Variants in PTK7 observed in about 807,000 individuals in gnomAD.
PTK7 encodes the protein protein tyrosine kinase 7 (inactive), also known as inactive tyrosine-protein kinase 7.
In PTK7, 39 loss-of-function variants were observed where a neutral mutation model predicts 116.6. The observed-to-expected ratio is 0.33, with a 90% CI of 0.26 to 0.44. The LOEUF (loss-of-function observed/expected upper bound fraction) is 0.44, where lower values mean the gene tolerates loss of function less well. Among genes scored for constraint, PTK7 ranks in the 20% least tolerant of loss-of-function variants. PTK7 has a pLI of 1.00. For missense variants in PTK7, 1,169 were observed against 1,425.6 expected (o/e 0.82, Z 2.90); for synonymous variants, 546 against 563.6 (o/e 0.97, Z 0.44).
chr6:43,127,994 A>G (rs924932823), intron 1 of PTK7, among the ~76,000 whole-genome samples: 1 of 151,832 alleles, frequency 6.6e-6, no homozygotes, highest in Non-Finnish European at 1.5e-5. Flanking sequence ...CCAGGTTTCT[A>G]GAGAATCTTG....
rs1394226226 is a variant in PTK7, at chr6:43,076,390, G to A, written c.-99G>A. On this transcript the variant is annotated 5_prime_UTR_variant, in exon 1 of 20. Transcript: ENST00000230419. This position sits in a 1 kb window ranked among gnomAD's most constrained non-coding sequence, Gnocchi z 5.7. The stretch of plus-strand genomic sequence containing the variant: ...GGCTCCGGCTGCGGCTGCTGCTGCG[G>A]CGCCCGCGCTCCGGTGCGCTCCGCC... 17 of 953,302 alleles carry A rather than the reference G, an allele frequency of 1.8e-5. No homozygotes were observed. The East Asian group carries it at 5.8e-4, about 33-fold the overall frequency. The allele number at this position is 953,302 out of a possible 1,614,324, so 59.1% of individuals were successfully genotyped here.
chr6:43,135,760 C>T (rs561672654), intron 7 of PTK7, among the ~76,000 whole-genome samples: 2 of 152,222 alleles, frequency 1.3e-5, no homozygotes, highest in South Asian at 4.1e-4. Context: ...TTGGCTTCGG[C>T]ATCAGTTATC....
chr6:43,084,096 A>G (rs1401507890), intron 1 of PTK7, among the ~76,000 whole-genome samples: 1 of 152,178 alleles, frequency 6.6e-6, no homozygotes, highest in Non-Finnish European at 1.5e-5. Flanking sequence ...ATCCAGTTAC[A>G]TAGGCCAGAT....
At chr6:43,084,492 A>G (rs1259958824) in intron 1 of PTK7, among the ~76,000 whole-genome samples, 3 of 152,208 alleles carry the variant, frequency 2.0e-5, no homozygotes, top group African/African-American at 4.8e-5. Context: ...CCTACGCTTA[A>G]GTGTGAGAAC....
rs1441205002 is a variant in PTK7 at position 43,129,632 on chromosome 6, C to T, written c.368-95C>T. On this transcript the variant is annotated intron_variant, in intron 2 of 19. Coordinates refer to ENST00000230419, the MANE Select transcript of PTK7 (RefSeq NM_002821.5). This position sits in a 1 kb window ranked among gnomAD's most constrained non-coding sequence, Gnocchi z 4.5. ...CCTTGTGTCTGTTGGCACAGAGCCT[C>T]GAGGTTCCACGGCTTCCTGCTTGTC... 27 of 1,103,768 alleles carry T rather than the reference C, an allele frequency of 2.4e-5. No individual in the cohort carries two copies. Among genetic ancestry groups the T allele is most frequent in the East Asian group, 4.8e-5 (2 of 41,902 alleles). 68.4% of individuals were successfully genotyped at this position (1,103,768 alleles called of 1,614,324 possible). A position where few individuals can be genotyped will look rare whatever the true frequency, so the allele number is the denominator to read the frequency against.
chr6:43,139,091 G>GGGT lies in PTK7; in HGVS notation c.1363-44_1363-43insGTG, dbSNP rs1770224710. 1 of 1,612,358 alleles carries GGGT rather than the reference G, an allele frequency of 6.2e-7. No individual in the cohort carries two copies. Among genetic ancestry groups the GGGT allele is most frequent in the African/African-American group, 1.3e-5 (1 of 74,914 alleles). On this transcript the variant is annotated intron_variant, in intron 8 of 19. Transcript: ENST00000230419. The surrounding 1 kb of genome is among the most constrained non-coding windows in gnomAD (Gnocchi z 4.6). ...ACCCTGGAGGCAGCCTCCAGGGAGA[G>GGGT]GTGGGTGTGGGTTCAGGCTCTGAGG...
At position 43,141,035 on chromosome 6, in the gene PTK7, C is replaced by T. The variant is rs1372739661; in HGVS notation, c.1619-633C>T. Among the ~76,000 whole-genome samples, 1 of 151,934 alleles carries T rather than the reference C, an allele frequency of 6.6e-6. No homozygotes were observed. Among genetic ancestry groups the T allele is most frequent in the African/African-American group, 2.4e-5 (1 of 41,334 alleles). ...ATTTGGGTTGTTAACCAGCCACCCACCCACCCCCTTTTTTTTCATTGCTGC... is the reference window on the plus strand; with the variant it reads ...ATTTGGGTTGTTAACCAGCCACCCATCCACCCCCTTTTTTTTCATTGCTGC... On this transcript the variant is annotated intron_variant, in intron 10 of 19. Coordinates refer to ENST00000230419, the MANE Select transcript of PTK7 (RefSeq NM_002821.5). The surrounding 1 kb of genome is among the most constrained non-coding windows in gnomAD (Gnocchi z 4.9).
chr6:43,098,089 G>A (rs918403743), intron 1 of PTK7, among the ~76,000 whole-genome samples: 3 of 152,132 alleles, frequency 2.0e-5, no homozygotes, highest in Non-Finnish European at 2.9e-5. Context: ...GAGGGGGTGA[G>A]GGTCTAGTGA....
At chr6:43,149,075 A>G (rs1176239148) in intron 17 of PTK7, among the ~76,000 whole-genome samples, 28 of 143,566 alleles carry the variant, frequency 2.0e-4, no homozygotes, top group South Asian at 1.8e-3. Context: ...AAAAAAAAAA[A>G]AAAAAAGAAA....
At chr6:43,101,146 C>T (rs1350975897) in intron 1 of PTK7, among the ~76,000 whole-genome samples, 1 of 150,756 alleles carries the variant, frequency 6.6e-6, no homozygotes, top group East Asian at 1.9e-4. Flanking sequence ...ACCCGGGAGG[C>T]GGAGGTTGCT....
At chr6:43,092,028 A>G (rs1042577229) in intron 1 of PTK7, among the ~76,000 whole-genome samples, 2 of 151,854 alleles carry the variant, frequency 1.3e-5, no homozygotes, top group African/African-American at 4.8e-5. Context: ...ACGCCCAGCT[A>G]ATTTTTGTAT....
intron 7 of PTK7, chr6:43,133,083 T>C (rs534335809): frequency 5.0e-6 from 2 of 403,034 alleles, no homozygotes; most frequent in East Asian, 3.6e-5. Flanking sequence ...CACAAGGTGG[T>C]TGGAAAGGTC....
chr6:43,077,034 G>T (rs1271070056), intron 1 of PTK7: 12 of 1,344,694 alleles, frequency 8.9e-6, no homozygotes, highest in Admixed American at 3.3e-5. Context: ...CCTGCGGCGC[G>T]CAAAGCGCGG....
intron 4 of PTK7, 44 bp from the exon 5 acceptor site, chr6:43,130,467 C>T (rs758047364): frequency 6.2e-7 from 1 of 1,609,272 alleles, no homozygotes; most frequent in East Asian, 2.2e-5. Flanking sequence ...CACAGGAGGG[C>T]CTCACCACCC....
chr6:43,125,449 A>ACG (rs1769233016), intron 1 of PTK7, among the ~76,000 whole-genome samples: 1 of 152,184 alleles, frequency 6.6e-6, no homozygotes. Flanking sequence ...TCTCTGAGTC[A>ACG]CGCTGTCTCT....
intron 1 of PTK7, among the ~76,000 whole-genome samples, chr6:43,086,389 CA>C (rs1766652469): frequency 6.6e-6 from 1 of 150,964 alleles, no homozygotes; most frequent in African/African-American, 2.4e-5. Flanking sequence ...CTATCATGTA[CA>C]ACCTCCCCTC....
Position 43,128,870 on chromosome 6 carries a change from C to T in PTK7, c.80-107C>T, listed in dbSNP as rs369297390. ...ATCCTTCACACCTGCACTTACTGGA[C>T]GCCTCCTGTGTACACAGCCCCTTTC... On this transcript the variant is annotated intron_variant, in intron 1 of 19. Transcript: ENST00000230419. 1.2e-4 allele frequency: 142 copies of T among 1,181,686 alleles called. 1 individual carries two copies. The highest frequency in any genetic ancestry group is 5.5e-4 in the African/African-American group (36 of 65,008). 73.2% of individuals were successfully genotyped at this position (1,181,686 alleles called of 1,614,324 possible). A position where few individuals can be genotyped will look rare whatever the true frequency, so the allele number is the denominator to read the frequency against.
At chr6:43,103,428 C>T (rs1767690658) in intron 1 of PTK7, among the ~76,000 whole-genome samples, 1 of 151,546 alleles carries the variant, frequency 6.6e-6, no homozygotes, top group Admixed American at 6.6e-5. Flanking sequence ...GACTTACTCC[C>T]TTGTCATAGC....
intron 17 of PTK7, among the ~76,000 whole-genome samples, chr6:43,154,456 C>T (rs1582221994): frequency 6.6e-6 from 1 of 152,184 alleles, no homozygotes; most frequent in Non-Finnish European, 1.5e-5. Context: ...GTACAGTTTG[C>T]ATCACAACCC....
Sources: allele counts gnomAD v4.1 joint callset (sites outside exome capture counted in the v4.1 genomes callset), GRCh38; gene constraint gnomAD v4.1.1; non-coding constraint Gnocchi (gnomAD v3.1); transcripts MANE v1.5; gene names NCBI Gene and HGNC (gene_info 2026-07-23, HGNC 2026-07-21).